CYB5R3: variants seen among roughly 807,000 people sequenced by gnomAD.
The protein encoded by CYB5R3 is NADH-cytochrome b5 reductase 3.
In CYB5R3, 28 loss-of-function variants were observed where a neutral mutation model predicts 36.5. That is an observed-to-expected ratio of 0.77 (90% CI 0.57 to 1.05). CYB5R3 has a LOEUF of 1.05. Ranked by LOEUF, CYB5R3 falls within the 50% of genes least tolerant of loss-of-function variation. The pLI is 0.00. For missense variants in CYB5R3, 474 were observed against 408.9 expected, an observed-to-expected ratio of 1.16 and a Z score of -1.37; for synonymous variants, 181 against 159.8, an observed-to-expected ratio of 1.13 and a Z score of -1.00.
Position 42,628,424 on chromosome 22 carries a change from G to C in CYB5R3, c.334-143C>G. ...TCTCCCGTGGAGCCCCATCCACCCA[G>C]CCGTCAAATCCTACCTGTCCTGCAC... is the stretch of plus-strand genomic sequence containing the variant. On this transcript the variant is annotated intron_variant, in intron 4 of 8. Transcript: ENST00000352397. The C allele has an allele frequency of 3.7e-6, 4 of 1,070,720 alleles. No homozygotes were observed. In the Admixed American group the frequency reaches 7.2e-5, roughly 19 times the overall value. 66.3% of individuals were successfully genotyped at this position (1,070,720 alleles called of 1,614,324 possible).
chr22:42,620,019 C>A, intron 8 of CYB5R3, 74 bp from the exon 9 acceptor site: 1 of 1,373,096 alleles, frequency 7.3e-7, no homozygotes, highest in African/African-American at 1.4e-5. Flanking sequence ...CAACCCTAGG[C>A]GGTGAATTCC....
chr22:42,628,562 C>T (rs1928432535), intron 4 of CYB5R3, among the ~76,000 whole-genome samples: 1 of 152,200 alleles, frequency 6.6e-6, no homozygotes, highest in South Asian at 2.1e-4. Context: ...GATGCACTCA[C>T]ATTTCACCAA....
chr22:42,623,670 C>A (rs1928106028), intron 8 of CYB5R3, 119 bp downstream of exon 8: 1 of 812,902 alleles, frequency 1.2e-6, no homozygotes, highest in South Asian at 1.4e-5. Context: ...ACCTGCCTCC[C>A]ACAGGGCCAT....
At chr22:42,622,048 G>C (rs8190467) in intron 8 of CYB5R3, among the ~76,000 whole-genome samples, 2,708 of 150,384 alleles carry the variant, frequency 0.018, 83 homozygotes, top group African/African-American at 0.062. Flanking sequence ...CTCAGCCTCC[G>C]AGTAGCTGGG....
chr22:42,637,409 T>A (rs1210477348), intron 1 of CYB5R3, among the ~76,000 whole-genome samples: 1 of 152,138 alleles, frequency 6.6e-6, no homozygotes, highest in Non-Finnish European at 1.5e-5. Flanking sequence ...CTCTCCTCTT[T>A]GCTCTCCCAC....
In CYB5R3 at chr22:42,623,718, A is replaced by C. The variant is rs543817797; in HGVS notation, c.733+71T>G. 5,866 of 1,360,528 alleles carry C rather than the reference A, an allele frequency of 4.3e-3. 23 individuals carry two copies. The highest frequency in any genetic ancestry group is 7.6e-3 in the Middle Eastern group (41 of 5,364). The allele number at this position is 1,360,528 out of a possible 1,614,324, so 84.3% of individuals were successfully genotyped here. The stretch of plus-strand genomic sequence containing the variant: ...ATGTCGTCCAAAGGCTCAACGCCAC[A>C]AACAGCTGGGCAAAGGTGAACTGTG... On this transcript the variant is annotated intron_variant, in intron 8 of 8. Coordinates refer to ENST00000352397, the MANE Select transcript of CYB5R3 (RefSeq NM_000398.7).
At chr22:42,628,518 G>C (rs960753790) in intron 4 of CYB5R3, among the ~76,000 whole-genome samples, 6 of 152,112 alleles carry the variant, frequency 3.9e-5, no homozygotes, top group Non-Finnish European at 8.8e-5. Flanking sequence ...CAAACCACCA[G>C]CCTCGTGTAC....
intron 8 of CYB5R3, among the ~76,000 whole-genome samples, chr22:42,622,775 G>A (rs1213667392): frequency 6.6e-6 from 1 of 152,204 alleles, no homozygotes; most frequent in Non-Finnish European, 1.5e-5. Flanking sequence ...GAGGGTGTGC[G>A]CCCCCCACCA....
chr22:42,634,195 TAC>T (rs1173674788), intron 2 of CYB5R3, among the ~76,000 whole-genome samples: 1 of 129,398 alleles, frequency 7.7e-6, no homozygotes, highest in African/African-American at 3.0e-5. Flanking sequence ...CTACTAAAAA[TAC>T]AAAAAAAAAA....
intron 1 of CYB5R3, among the ~76,000 whole-genome samples, chr22:42,639,282 C>A (rs1929094178): frequency 6.6e-6 from 1 of 150,518 alleles, no homozygotes; most frequent in South Asian, 2.1e-4. Flanking sequence ...TGAGATCGTG[C>A]CACTGCACTC....
intron 8 of CYB5R3, among the ~76,000 whole-genome samples, chr22:42,623,023 T>TC (rs1460158528): frequency 3.3e-5 from 5 of 152,224 alleles, no homozygotes; most frequent in Admixed American, 3.3e-4. Context: ...GGCTGTGTCC[T>TC]CCGGACCAGG....
At chr22:42,646,754 G>A (rs1014631823) in intron 1 of CYB5R3, 3 of 986,112 alleles carry the variant, frequency 3.0e-6, no homozygotes, top group Admixed American at 1.2e-4. Context: ...TGCAGTGGGG[G>A]GCTCTGGCTT....
chr22:42,649,169 G>A, intron 1 of CYB5R3, 126 bp downstream of exon 1: 1 of 299,290 alleles, frequency 3.3e-6, no homozygotes, highest in Non-Finnish European at 5.2e-6. Flanking sequence ...GGCTGGGCGG[G>A]CGAAGTGGGT....
At chr22:42,627,218 G>T in intron 7 of CYB5R3, 86 bp downstream of exon 7, 1 of 1,111,170 alleles carries the variant, frequency 9.0e-7, no homozygotes, top group Non-Finnish European at 1.4e-6. Context: ...GCAGAGCTGT[G>T]CAGACCCCTG....
At position 42,619,515 on chromosome 22, in the gene CYB5R3, G is replaced by T; in HGVS notation, c.*258C>A. The T allele has an allele frequency of 1.8e-6, 1 of 555,360 alleles. No homozygotes were observed. The highest frequency in any genetic ancestry group is 3.2e-6 in the Non-Finnish European group (1 of 307,874). 34.4% of individuals were successfully genotyped at this position (555,360 alleles called of 1,614,324 possible). A position where few individuals can be genotyped will look rare whatever the true frequency, so the allele number is the denominator to read the frequency against. ...GTGGACGAGGGGTCATGAGGACAGG[G>T]ATGGGGCTGGGCGTCTCTGGTAAGG... On this transcript the variant is annotated 3_prime_UTR_variant, in exon 9 of 9. Transcript: ENST00000352397.
At position 42,627,707 on chromosome 22, in the gene CYB5R3, T is replaced by C. The variant is rs763223530; in HGVS notation, c.464-19A>G. ...AACTTCCCTGGGGAGAGAGAAGGGG[T>C]GAGGCCCGGCCATCAAACATGCCAT... On this transcript the variant is annotated intron_variant, in intron 5 of 8. Transcript: ENST00000352397. 5.7e-6 allele frequency: 9 copies of C among 1,579,862 alleles called. No homozygotes were observed. The East Asian group carries it at 1.3e-4, about 24-fold the overall frequency.
chr22:42,624,269 C>T (rs940214889), intron 7 of CYB5R3, among the ~76,000 whole-genome samples: 6 of 152,296 alleles, frequency 3.9e-5, no homozygotes, highest in Non-Finnish European at 5.9e-5. Flanking sequence ...AGCCCGGGAG[C>T]GGGTGTAACA....
At position 42,627,405 on chromosome 22, in the gene CYB5R3, C is replaced by T. The variant is rs990172646; in HGVS notation, c.548-16G>A. ...GGGGTGATGCCTGCAAAATAGCCGG[C>T]CGGGCCTCGCACGTGCTGAGCGAGG... On this transcript the variant is annotated splice_polypyrimidine_tract_variant and intron_variant, in intron 6 of 8. Transcript: ENST00000352397. 1 of 1,612,358 alleles carries T rather than the reference C, an allele frequency of 6.2e-7. No homozygotes were observed. Among genetic ancestry groups the T allele is most frequent in the African/African-American group, 1.3e-5 (1 of 74,870 alleles).
At chr22:42,621,904 G>C (rs979826395) in intron 8 of CYB5R3, among the ~76,000 whole-genome samples, 4 of 152,254 alleles carry the variant, frequency 2.6e-5, no homozygotes, top group Non-Finnish European at 5.9e-5. Flanking sequence ...CCTCCCTTTA[G>C]ACTGACACAT....
Sources: allele counts gnomAD v4.1 joint callset (sites outside exome capture counted in the v4.1 genomes callset), GRCh38; gene constraint gnomAD v4.1.1; transcripts MANE v1.5; gene names NCBI Gene and HGNC (gene_info 2026-07-23, HGNC 2026-07-21).